The following TOR3A variants were observed in gnomAD, a reference collection of about 807,000 sequenced individuals.
The protein encoded by TOR3A is torsin family 3 member A.
Under a neutral mutation model 42.1 loss-of-function variants are expected in TOR3A, and 44 were observed. The observed-to-expected ratio is 1.04, with a 90% confidence interval of 0.82 to 1.34. The LOEUF (loss-of-function observed/expected upper bound fraction) is 1.34, where lower values mean the gene tolerates loss of function less well. Among genes scored for constraint, TOR3A ranks in the 40% most tolerant of loss-of-function variants. The pLI is 0.00. For synonymous variants in TOR3A, 227 were observed against 213.2 expected, an observed-to-expected ratio of 1.06 and a Z score of -0.57; for missense variants, 521 against 507.6, an observed-to-expected ratio of 1.03 and a Z score of -0.25.
intron 2 of TOR3A, 70 bp downstream of exon 2, chr1:179,083,123 A>C (rs888131014): frequency 5.4e-6 from 5 of 919,104 alleles, no homozygotes; most frequent in Non-Finnish European, 7.9e-6. Flanking sequence ...GGAAATGGTT[A>C]GATGCAAGGG....
Position 179,087,904 on chromosome 1 carries a change from C to G in TOR3A, c.640-7C>G, listed in dbSNP as rs376759753. The G allele has an allele frequency of 1.6e-5, 25 of 1,565,890 alleles. No individual in the cohort carries two copies. Among genetic ancestry groups the G allele is most frequent in the Non-Finnish European group, 2.0e-5 (23 of 1,157,750 alleles). ...ACTTCCCCAGCTGCTCCCTATATCC[C>G]GTGCAGGAGCAGCTGATGAGCCAGA... On this transcript the variant is annotated splice_polypyrimidine_tract_variant and splice_region_variant and intron_variant, in intron 3 of 5. Coordinates refer to ENST00000367627, the MANE Select transcript of TOR3A (RefSeq NM_022371.4).
In TOR3A at chr1:179,095,501, G is replaced by A. The variant is rs1201403493; in HGVS notation, c.*283G>A. ...AGATCACTTGGTGCCTTAAAGACACGCATTCCAAAGTGGAATGTGGTTGAA... is the reference window on the plus strand; with the variant it reads ...AGATCACTTGGTGCCTTAAAGACACACATTCCAAAGTGGAATGTGGTTGAA... On this transcript the variant is annotated 3_prime_UTR_variant, in exon 6 of 6. Transcript: ENST00000367627. 5.5e-6 allele frequency: 7 copies of A among 1,274,002 alleles called. No individual in the cohort carries two copies. The African/African-American group carries it at 7.5e-5, about 14-fold the overall frequency. The allele number at this position is 1,274,002 out of a possible 1,614,324, so 78.9% of individuals were successfully genotyped here. A position where few individuals can be genotyped will look rare whatever the true frequency, so the allele number is the denominator to read the frequency against.
Position 179,088,091 on chromosome 1 carries a change from TG to T in TOR3A, c.818+5del, listed in dbSNP as rs1652484570. 6.3e-7 allele frequency: 1 copy of T among 1,580,998 alleles called. No homozygotes were observed. The highest frequency in any genetic ancestry group is 2.3e-5 in the East Asian group (1 of 44,010). The stretch of plus-strand genomic sequence containing the variant: ...ATGGACTATCTTTCTGTTTCTCAGG[TG>T]GGTTCTGGGGAACAATAGTCAGGAG... On this transcript the variant is annotated splice_donor_region_variant and intron_variant, in intron 4 of 5. Coordinates refer to ENST00000367627, the MANE Select transcript of TOR3A (RefSeq NM_022371.4).
Position 179,095,829 on chromosome 1 carries a change from G to GAAAAGTACAC in TOR3A, c.*613_*622dup. The GAAAAGTACAC allele has an allele frequency of 2.0e-6, 2 of 986,378 alleles. No individual in the cohort carries two copies. The highest frequency in any genetic ancestry group is 3.5e-5 in the African/African-American group (2 of 57,134). The allele number at this position is 986,378 out of a possible 1,614,324, so 61.1% of individuals were successfully genotyped here. On this transcript the variant is annotated 3_prime_UTR_variant, in exon 6 of 6. Transcript: ENST00000367627. ...TCAGCCAAGAGCCTGAGGCTGAAGGGAAAAGTACACAGAGGAAGATATTTT... is the reference window on the plus strand; with the variant it reads ...TCAGCCAAGAGCCTGAGGCTGAAGGGAAAAGTACACAAAAGTACACAGAGGAAGATATTTT...
In TOR3A at chr1:179,095,696, C is replaced by G. The variant is rs999963822; in HGVS notation, c.*478C>G. 1 of 995,454 alleles carries G rather than the reference C, an allele frequency of 1.0e-6. No homozygotes were observed. The highest frequency in any genetic ancestry group is 1.2e-6 in the Non-Finnish European group (1 of 835,890). 61.7% of individuals were successfully genotyped at this position (995,454 alleles called of 1,614,324 possible). On this transcript the variant is annotated 3_prime_UTR_variant, in exon 6 of 6. Coordinates refer to ENST00000367627, the MANE Select transcript of TOR3A (RefSeq NM_022371.4). ...CCTTGGGTTACAGAGCCGGGGAGAA[C>G]GAAGTTCTGTGACCCAGGGGTGGAG...
At chr1:179,086,079 C>G (rs1572573515) in intron 3 of TOR3A, among the ~76,000 whole-genome samples, 186 bp downstream of exon 3, 1 of 152,306 alleles carries the variant, frequency 6.6e-6, no homozygotes, top group East Asian at 1.9e-4. Flanking sequence ...GACTGGCGTT[C>G]CAAACACCAC....
chr1:179,093,295 C>G (rs1652644261), intron 4 of TOR3A, among the ~76,000 whole-genome samples: 1 of 152,186 alleles, frequency 6.6e-6, no homozygotes, highest in South Asian at 2.1e-4. Flanking sequence ...ACCCGTAATT[C>G]CAGTTGCCCA....
In TOR3A at chr1:179,094,335, A is replaced by G. The variant is rs1652676479; in HGVS notation, c.943+118A>G. Reference sequence around the variant, plus strand: ...TACTTGGGAACACAGAGGGCAGACTATAATCATCTCACATTGTCAACCCTG... The same window carrying G: ...TACTTGGGAACACAGAGGGCAGACTGTAATCATCTCACATTGTCAACCCTG... On this transcript the variant is annotated intron_variant, in intron 5 of 5. Transcript: ENST00000367627. 5 of 1,298,434 alleles carry G rather than the reference A, an allele frequency of 3.9e-6. No homozygotes were observed. The African/African-American group carries it at 6.0e-5, about 15-fold the overall frequency. 80.4% of individuals were successfully genotyped at this position (1,298,434 alleles called of 1,614,324 possible).
Position 179,095,929 on chromosome 1 carries a change from A to AAT in TOR3A, c.*713_*714dup, listed in dbSNP as rs1652731072. On this transcript the variant is annotated 3_prime_UTR_variant, in exon 6 of 6. Coordinates refer to ENST00000367627, the MANE Select transcript of TOR3A (RefSeq NM_022371.4). ...GGGGAGGGGGGACCTTTTCAAAGACAATAGGGGGTCTTGACATGTTTGTTG... is the reference window on the plus strand; with the variant it reads ...GGGGAGGGGGGACCTTTTCAAAGACAATATAGGGGGTCTTGACATGTTTGTTG... 1 of 983,460 alleles carries AAT rather than the reference A, an allele frequency of 1.0e-6. No individual in the cohort carries two copies. The highest frequency in any genetic ancestry group is 1.1e-4 in the East Asian group (1 of 8,758). The allele number at this position is 983,460 out of a possible 1,614,324, so 60.9% of individuals were successfully genotyped here. A position where few individuals can be genotyped will look rare whatever the true frequency, so the allele number is the denominator to read the frequency against.
At chr1:179,089,770 G>C (rs965639428) in intron 4 of TOR3A, among the ~76,000 whole-genome samples, 1 of 152,078 alleles carries the variant, frequency 6.6e-6, no homozygotes, top group Non-Finnish European at 1.5e-5. Context: ...CCCACGGCAC[G>C]GAGCAAAGCA....
rs747378315 is a variant in TOR3A at position 179,085,950 on chromosome 1, C to T, written c.639+57C>T. The T allele has an allele frequency of 3.4e-5, 54 of 1,575,390 alleles. No individual in the cohort carries two copies. The Middle Eastern group carries it at 8.1e-4, about 24-fold the overall frequency. ...TGTGCTGGGAGGGAGACCCTTCTGC[C>T]AGCCCTTCCTTGCAAGGAAATGGGC... On this transcript the variant is annotated intron_variant, in intron 3 of 5. Coordinates refer to ENST00000367627, the MANE Select transcript of TOR3A (RefSeq NM_022371.4).
chr1:179,087,516 A>G (rs1307661157), intron 3 of TOR3A, among the ~76,000 whole-genome samples: 1 of 152,216 alleles, frequency 6.6e-6, no homozygotes, highest in Non-Finnish European at 1.5e-5. Context: ...TTTTTGTTGT[A>G]GAAGTAATGA....
At chr1:179,087,816 G>T in intron 3 of TOR3A, 95 bp from the exon 4 acceptor site, 1 of 1,245,468 alleles carries the variant, frequency 8.0e-7, no homozygotes, top group East Asian at 2.6e-5. Context: ...CCAGCCCCAG[G>T]GGGTCCATTG....
intron 4 of TOR3A, 194 bp downstream of exon 4, chr1:179,088,283 G>A (rs1169841658): frequency 3.4e-5 from 16 of 475,268 alleles, no homozygotes; most frequent in African/African-American, 1.2e-4. Context: ...CAAGGCGGCC[G>A]GGTCCCTTGA....
intron 2 of TOR3A, among the ~76,000 whole-genome samples, chr1:179,083,743 T>C (rs1387167371): frequency 6.6e-6 from 1 of 152,100 alleles, no homozygotes; most frequent in Admixed American, 6.5e-5. Flanking sequence ...GGTTGCTTGA[T>C]TTGCATATCG....
intron 4 of TOR3A, among the ~76,000 whole-genome samples, chr1:179,091,015 G>A (rs1162854200): frequency 6.6e-6 from 1 of 152,182 alleles, no homozygotes; most frequent in African/African-American, 2.4e-5. Flanking sequence ...ACTAATGAGA[G>A]GACAGCTTAG....
At chr1:179,082,534 C>T (rs1310847515) in intron 1 of TOR3A, 147 bp downstream of exon 1, 2 of 1,275,302 alleles carry the variant, frequency 1.6e-6, no homozygotes, top group Non-Finnish European at 2.1e-6. Flanking sequence ...TGGGCGGGGG[C>T]AGCCTCCGCG....
rs1652721052 is a variant in TOR3A at position 179,095,640 on chromosome 1, C to T, written c.*422C>T. 1.9e-6 allele frequency: 2 copies of T among 1,029,722 alleles called. No homozygotes were observed. Among genetic ancestry groups the T allele is most frequent in the South Asian group, 7.6e-5 (2 of 26,154 alleles). The allele number at this position is 1,029,722 out of a possible 1,614,324, so 63.8% of individuals were successfully genotyped here. ...ATCTCAGCTCTTCTGCAAGGAAGAG[C>T]TTGGGTGTTAGGCCTCAGAGGCTGT... On this transcript the variant is annotated 3_prime_UTR_variant, in exon 6 of 6. Transcript: ENST00000367627.
At chr1:179,085,506 A>G (rs1652406115) in intron 2 of TOR3A, 122 bp from the exon 3 acceptor site, 2 of 1,250,216 alleles carry the variant, frequency 1.6e-6, no homozygotes, top group Non-Finnish European at 2.3e-6. Context: ...AAGGCCAAAC[A>G]GGAGGAGTAA....
Sources: gnomAD v4.1 joint callset for allele counts (sites outside exome capture counted in the v4.1 genomes callset) on GRCh38, gnomAD v4.1.1 for gene constraint, MANE v1.5 for transcripts, NCBI Gene and HGNC (gene_info 2026-07-23, HGNC 2026-07-21) for gene names.